The following ANKRD12 variants were observed in gnomAD, a reference collection of about 807,000 sequenced individuals.
ANKRD12 encodes the protein ankyrin repeat domain-containing protein 12.
In ANKRD12, 85 loss-of-function variants were observed where a neutral mutation model predicts 183.4. The observed-to-expected ratio is 0.46, with a 90% CI of 0.39 to 0.56. ANKRD12 has a LOEUF of 0.56. Ranked by LOEUF, ANKRD12 falls within the 20% of genes least tolerant of loss-of-function variation. ANKRD12 has a pLI of 0.00. For synonymous variants in ANKRD12, 914 were observed against 800.2 expected (o/e 1.14, Z -2.40); for missense variants, 2,405 against 2,357.1 (o/e 1.02, Z -0.42).
chr18:9,148,323 T>TAC (rs200838027), intron 1 of ANKRD12, among the ~76,000 whole-genome samples: 66 of 147,656 alleles, frequency 4.5e-4, no homozygotes, highest in Middle Eastern at 3.5e-3. Flanking sequence ...TATATATATA[T>TAC]ACACACACAC....
intron 11 of ANKRD12, among the ~76,000 whole-genome samples, chr18:9,278,300 A>C (rs1354209931): frequency 6.6e-6 from 1 of 152,180 alleles, no homozygotes; most frequent in Non-Finnish European, 1.5e-5. Flanking sequence ...AAAAAAGTCT[A>C]CTTTTCTTTG....
At chr18:9,212,651 A>T (rs1057417349) in intron 6 of ANKRD12, among the ~76,000 whole-genome samples, 4 of 151,894 alleles carry the variant, frequency 2.6e-5, no homozygotes, top group Non-Finnish European at 5.9e-5. Flanking sequence ...ATCAATGGAG[A>T]TACATGTTTT....
intron 3 of ANKRD12, 119 bp from the exon 4 acceptor site, chr18:9,204,357 T>G (rs1211160876): frequency 1.4e-6 from 1 of 726,844 alleles, no homozygotes. Flanking sequence ...AAAAATAATC[T>G]TTTGGCAAAA....
In ANKRD12 at chr18:9,257,551, A is replaced by G. The variant is rs2038711322; in HGVS notation, c.4284A>G (p.Thr1428=). The part of the protein sequence containing the change: ...SWEMPVDRLE[T]LSTRDFICPN... ...AGATGCCTGTTGATAGACTAGAGAC[A>G]TTAAGCACCAGAGACTTTATCTGCC... is the stretch of plus-strand genomic sequence containing the variant. The change falls in exon 9 of 13, where the codon ACA becomes ACG. Residue 1428 remains threonine, a synonymous_variant. Transcript: ENST00000262126. The G allele has an allele frequency of 6.2e-7, 1 of 1,614,016 alleles. No individual in the cohort carries two copies. Among genetic ancestry groups the G allele is most frequent in the African/African-American group, 1.3e-5 (1 of 74,922 alleles).
chr18:9,219,458 T>G (rs1231917656), intron 7 of ANKRD12, among the ~76,000 whole-genome samples: 1 of 152,114 alleles, frequency 6.6e-6, no homozygotes, highest in Non-Finnish European at 1.5e-5. Context: ...GAAACAAATA[T>G]TTTGGAAGAT....
intron 1 of ANKRD12, among the ~76,000 whole-genome samples, chr18:9,177,968 G>C (rs367972625): frequency 2.1e-4 from 25 of 120,688 alleles, no homozygotes; most frequent in African/African-American, 8.2e-4. Context: ...TGATTCATAA[G>C]AGTTATTTAT....
Position 9,277,472 on chromosome 18 carries a change from C to T in ANKRD12, c.5907+1805C>T, listed in dbSNP as rs573092609. On this transcript the variant is annotated intron_variant, in intron 11 of 12. Coordinates refer to ENST00000262126, the MANE Select transcript of ANKRD12 (RefSeq NM_015208.5). ...CCTCCCGAGTAGCTGGGACTACAGG[C>T]GCCCGCCACCACACCCGGCTAATTT... Among the ~76,000 whole-genome samples, 411 of 151,650 alleles carry T rather than the reference C, an allele frequency of 2.7e-3. 2 individuals carry two copies. The highest frequency in any genetic ancestry group is 3.5e-3 in the Non-Finnish European group (235 of 67,844).
intron 1 of ANKRD12, among the ~76,000 whole-genome samples, chr18:9,155,683 A>G (rs1401730652): frequency 1.3e-5 from 2 of 152,198 alleles, no homozygotes; most frequent in African/African-American, 4.8e-5. Context: ...TATAGTTTCA[A>G]AACTGTGAAT....
intron 1 of ANKRD12, among the ~76,000 whole-genome samples, chr18:9,154,398 C>T (rs1373078326): frequency 6.6e-6 from 1 of 152,070 alleles, no homozygotes; most frequent in African/African-American, 2.4e-5. Context: ...AGCTACAGAA[C>T]GAGATCCTGT....
rs751341525 is a variant in ANKRD12, at chr18:9,275,504, T to G, written c.5764-20T>G. On this transcript the variant is annotated intron_variant, in intron 10 of 12. Coordinates refer to ENST00000262126, the MANE Select transcript of ANKRD12 (RefSeq NM_015208.5). Reference sequence around the variant, plus strand: ...AATTTGTTGAAGAATTTATTTTTTTTTAATTCTTTATTCAACTAGGAAAAA... The same window carrying G: ...AATTTGTTGAAGAATTTATTTTTTTGTAATTCTTTATTCAACTAGGAAAAA... The G allele has an allele frequency of 7.5e-6, 12 of 1,592,840 alleles. No individual in the cohort carries two copies. The Admixed American group carries it at 1.9e-4, about 25-fold the overall frequency.
rs146734594 is a variant in ANKRD12 at position 9,256,270 on chromosome 18, A to G, written c.3003A>G (p.Lys1001=). The G allele has an allele frequency of 2.1e-5, 33 of 1,605,920 alleles. No homozygotes were observed. The highest frequency in any genetic ancestry group is 5.4e-5 in the African/African-American group (4 of 74,218). Residue 1001 remains lysine, a synonymous_variant, in exon 9 of 13, where the codon AAA becomes AAG. Transcript: ENST00000262126. ...AACATGAAAAACCCTTATCCCTTAA[A>G]GAAAAAACAAAAGATGAACCTTTGA... ...KAQHEKPLSL[K]EKTKDEPLKT...
intron 6 of ANKRD12, 109 bp from the exon 7 acceptor site, chr18:9,216,649 C>A: frequency 9.4e-7 from 1 of 1,064,568 alleles, no homozygotes; most frequent in Non-Finnish European, 1.3e-6. Context: ...TTTTTTTTTG[C>A]ACGATGTGCA....
intron 8 of ANKRD12, among the ~76,000 whole-genome samples, chr18:9,240,729 G>GA: frequency 6.6e-6 from 1 of 152,120 alleles, no homozygotes; most frequent in African/African-American, 2.4e-5. Flanking sequence ...ACTTAATCAA[G>GA]AAAAATGCTC....
At chr18:9,145,382 G>A (rs2078459339) in intron 1 of ANKRD12, among the ~76,000 whole-genome samples, 1 of 152,210 alleles carries the variant, frequency 6.6e-6, no homozygotes, top group African/African-American at 2.4e-5. Flanking sequence ...TTGAGGCAGG[G>A]ATTCGGGAAG....
intron 10 of ANKRD12, among the ~76,000 whole-genome samples, chr18:9,267,331 C>G (rs1365579278): frequency 6.6e-6 from 1 of 152,128 alleles, no homozygotes; most frequent in Non-Finnish European, 1.5e-5. Context: ...CTTCTCAGCA[C>G]CACGCCGCAC....
chr18:9,173,821 C>T (rs1047999197), intron 1 of ANKRD12, among the ~76,000 whole-genome samples: 1 of 152,182 alleles, frequency 6.6e-6, no homozygotes, highest in Admixed American at 6.5e-5. Context: ...TGCCTGGACT[C>T]TCCAGAGCCA....
In ANKRD12 at chr18:9,258,576, G is replaced by A. The variant is rs1191778356; in HGVS notation, c.5309G>A (p.Arg1770Lys). Reference protein sequence around the residue: ...KDSESSSPRGRIRLTEDDDPQ... With the variant: ...KDSESSSPRGKIRLTEDDDPQ... Reference sequence around the variant, plus strand: ...AGTGAATCCTCATCTCCTAGAGGAAGAATAAGATTAACTGAAGATGACGAT... The same window carrying A: ...AGTGAATCCTCATCTCCTAGAGGAAAAATAAGATTAACTGAAGATGACGAT... Residue 1770 changes from arginine (R) to lysine (K), a missense_variant, in exon 9 of 13, where the codon AGA becomes AAA. Physicochemically the swap from Arg to Lys is conservative, Grantham distance 26 (BLOSUM62 2). This residue lies in a region of ANKRD12 where 1,983 missense variants were observed against 1,725.9 expected (regional missense o/e 1.15). Coordinates refer to ENST00000262126, the MANE Select transcript of ANKRD12 (RefSeq NM_015208.5). The A allele has an allele frequency of 1.9e-6, 3 of 1,613,824 alleles. No individual in the cohort carries two copies. The highest frequency in any genetic ancestry group is 3.3e-5 in the Admixed American group (2 of 59,908).
At chr18:9,220,033 A>G (rs975767023) in intron 7 of ANKRD12, among the ~76,000 whole-genome samples, 1 of 152,258 alleles carries the variant, frequency 6.6e-6, no homozygotes. Flanking sequence ...TAAACAGTTA[A>G]TAGTTGGTAT....
At chr18:9,139,261 G>T (rs142503060) in intron 1 of ANKRD12, among the ~76,000 whole-genome samples, 1 of 152,240 alleles carries the variant, frequency 6.6e-6, no homozygotes, top group African/African-American at 2.4e-5. Context: ...AATTTTATTT[G>T]CAGACTAGTG....
Sources: allele counts gnomAD v4.1 joint callset (sites outside exome capture counted in the v4.1 genomes callset), GRCh38; gene constraint gnomAD v4.1.1; regional missense constraint gnomAD v4.1.1; transcripts MANE v1.5; gene names NCBI Gene and HGNC (gene_info 2026-07-23, HGNC 2026-07-21).